Variants in AHCYL2 observed in about 807,000 individuals in gnomAD.
AHCYL2 encodes S-adenosylhomocysteine hydrolase-like protein 2.
In AHCYL2, 28 loss-of-function variants were observed where a neutral mutation model predicts 81.4. The observed-to-expected ratio is 0.34, with a 90% CI of 0.25 to 0.47. AHCYL2 has a LOEUF of 0.47. Among genes scored for constraint, AHCYL2 ranks in the 20% least tolerant of loss-of-function variants. The pLI is 1.00. For synonymous variants in AHCYL2, 272 were observed against 290.2 expected (o/e 0.94, Z 0.64); for missense variants, 551 against 785.1 (o/e 0.70, Z 3.56).
intron 1 of AHCYL2, among the ~76,000 whole-genome samples, chr7:129,227,213 T>G (rs778651722): frequency 6.6e-6 from 1 of 152,206 alleles, no homozygotes; most frequent in South Asian, 2.1e-4. Context: ...TAAATGATAT[T>G]CTTACTAATG....
In AHCYL2 at chr7:129,349,584, G is replaced by A. The variant is rs1220161306; in HGVS notation, c.364-30054G>A. Among the ~76,000 whole-genome samples, 7 of 150,266 alleles carry A rather than the reference G, an allele frequency of 4.7e-5. No individual in the cohort carries two copies. In the South Asian group the frequency reaches 8.4e-4, roughly 18 times the overall value. Reference sequence around the variant, plus strand: ...GGAGAATTGCTTGAACCCGGGAAGCGGAGGTTGTAGTGAGCTGAGATGGCA... The same window carrying A: ...GGAGAATTGCTTGAACCCGGGAAGCAGAGGTTGTAGTGAGCTGAGATGGCA... On this transcript the variant is annotated intron_variant, in intron 1 of 16. Coordinates refer to ENST00000325006, the MANE Select transcript of AHCYL2 (RefSeq NM_015328.4).
chr7:129,315,597 A>G (rs536709650), intron 1 of AHCYL2, among the ~76,000 whole-genome samples: 1 of 152,334 alleles, frequency 6.6e-6, no homozygotes, highest in African/African-American at 2.4e-5. Flanking sequence ...GTAAATTTAC[A>G]TGTCTTTCTT....
chr7:129,248,996 C>CTTTTT (rs34696153), intron 1 of AHCYL2, among the ~76,000 whole-genome samples: 2 of 126,384 alleles, frequency 1.6e-5, no homozygotes, highest in Non-Finnish European at 3.2e-5. Flanking sequence ...TAACAATAAA[C>CTTTTT]TTTTTTTTTT....
At chr7:129,226,631 A>G (rs1303586951) in intron 1 of AHCYL2, among the ~76,000 whole-genome samples, 1 of 152,222 alleles carries the variant, frequency 6.6e-6, no homozygotes, top group Non-Finnish European at 1.5e-5. Flanking sequence ...TCATAGCGTC[A>G]TGATTAAGGT....
chr7:129,403,589 C>T (rs758472960), intron 7 of AHCYL2, 104 bp downstream of exon 7: 122 of 690,332 alleles, frequency 1.8e-4, no homozygotes, highest in Admixed American at 4.3e-4. Context: ...CTGGGCCAGG[C>T]GCGGTGGCTC....
At chr7:129,328,703 C>G (rs887451924) in intron 1 of AHCYL2, among the ~76,000 whole-genome samples, 2 of 152,100 alleles carry the variant, frequency 1.3e-5, no homozygotes, top group Admixed American at 6.5e-5. Flanking sequence ...CCAGGCTGCT[C>G]TTGAACTCCT....
chr7:129,256,974 A>G lies in AHCYL2; in HGVS notation c.363+31535A>G, dbSNP rs181568724. Among the ~76,000 whole-genome samples, 13 of 152,262 alleles carry G rather than the reference A, an allele frequency of 8.5e-5. No homozygotes were observed. In the East Asian group the frequency reaches 2.3e-3, roughly 27 times the overall value. ...TATTGTGCTGTTGAATTGAAGAGGC[A>G]TAGATAACCCCCTTTTGTCTTGACA... On this transcript the variant is annotated intron_variant, in intron 1 of 16. Coordinates refer to ENST00000325006, the MANE Select transcript of AHCYL2 (RefSeq NM_015328.4).
chr7:129,422,387 T>A (rs1360124046), intron 12 of AHCYL2, among the ~76,000 whole-genome samples: 3 of 152,210 alleles, frequency 2.0e-5, no homozygotes, highest in Non-Finnish European at 4.4e-5. Context: ...CTCAGCTATG[T>A]TCCTCCTTTT....
chr7:129,417,610 A>G (rs757178954), intron 12 of AHCYL2, among the ~76,000 whole-genome samples: 2 of 152,220 alleles, frequency 1.3e-5, no homozygotes, highest in South Asian at 2.1e-4. Context: ...CGGAAGATAT[A>G]TAGCTAAGCT....
intron 1 of AHCYL2, among the ~76,000 whole-genome samples, chr7:129,278,763 CTT>C (rs36037913): frequency 3.6e-5 from 4 of 111,372 alleles, no homozygotes; most frequent in Admixed American, 9.6e-5. Context: ...TATTGAAGCT[CTT>C]TTTTTTTTTT....
intron 1 of AHCYL2, among the ~76,000 whole-genome samples, chr7:129,233,033 G>A (rs537422725): frequency 6.6e-6 from 1 of 152,236 alleles, no homozygotes; most frequent in South Asian, 2.1e-4. Context: ...GCTGAGAGTT[G>A]CTAGAGAAAA....
At chr7:129,391,669 G>T (rs201238470) in intron 4 of AHCYL2, among the ~76,000 whole-genome samples, 1 of 152,278 alleles carries the variant, frequency 6.6e-6, no homozygotes, top group South Asian at 2.1e-4. Context: ...CTTTTATGGG[G>T]ATTCATAAGA....
intron 1 of AHCYL2, among the ~76,000 whole-genome samples, chr7:129,258,719 C>A (rs1371140941): frequency 6.6e-6 from 1 of 151,932 alleles, no homozygotes; most frequent in Non-Finnish European, 1.5e-5. Flanking sequence ...AGAACAAAAT[C>A]CTTTTGTAGG....
chr7:129,270,041 G>A (rs140287647), intron 1 of AHCYL2, among the ~76,000 whole-genome samples: 104 of 152,124 alleles, frequency 6.8e-4, no homozygotes, highest in Middle Eastern at 3.4e-3. Flanking sequence ...TTATTCCTGC[G>A]TATTATTTAA....
At chr7:129,288,306 C>T (rs140632234) in intron 1 of AHCYL2, among the ~76,000 whole-genome samples, 28 of 150,992 alleles carry the variant, frequency 1.9e-4, no homozygotes, top group Non-Finnish European at 3.1e-4. Flanking sequence ...TGTCTTTTAA[C>T]GTGTTCCTTT....
chr7:129,234,823 T>A (rs1794584787), intron 1 of AHCYL2, among the ~76,000 whole-genome samples: 1 of 152,204 alleles, frequency 6.6e-6, no homozygotes. Context: ...TTTCTTCCTT[T>A]GGTTTATTTC....
chr7:129,346,031 T>A (rs1793350690), intron 1 of AHCYL2, among the ~76,000 whole-genome samples: 1 of 152,178 alleles, frequency 6.6e-6, no homozygotes, highest in African/African-American at 2.4e-5. Context: ...TATCAGCATA[T>A]AGATGATAAC....
intron 1 of AHCYL2, among the ~76,000 whole-genome samples, chr7:129,249,016 G>T (rs62480597): frequency 2.6e-4 from 28 of 106,398 alleles, no homozygotes; most frequent in African/African-American, 9.4e-4. Flanking sequence ...TTTTTTTTTG[G>T]AGACATAGTC....
chr7:129,255,830 C>T lies in AHCYL2; in HGVS notation c.363+30391C>T, dbSNP rs146045461. On this transcript the variant is annotated intron_variant, in intron 1 of 16. Coordinates refer to ENST00000325006, the MANE Select transcript of AHCYL2 (RefSeq NM_015328.4). ...AAAAATACAAAAATTAGCTGGGCCT[C>T]GTGGGAGGCACCTGTAATCCCAGCT... 1.8e-4 allele frequency among the ~76,000 whole-genome samples: 27 copies of T among 152,050 alleles called. No homozygotes were observed. In the East Asian group the frequency reaches 2.5e-3, roughly 14 times the overall value.
Sources: gnomAD v4.1 joint callset for allele counts (sites outside exome capture counted in the v4.1 genomes callset) on GRCh38, gnomAD v4.1.1 for gene constraint, MANE v1.5 for transcripts, NCBI Gene and HGNC (gene_info 2026-07-23, HGNC 2026-07-21) for gene names.